The following FBXW7 variants were observed in gnomAD, a reference collection of about 807,000 sequenced individuals.
The protein encoded by FBXW7 is F-box and WD repeat domain containing 7.
A neutral mutation model predicts 86.3 loss-of-function variants in FBXW7; 11 were observed. The observed-to-expected ratio is 0.13, with a 90% CI of 0.08 to 0.21. FBXW7 has a LOEUF of 0.21. Ranked by LOEUF, FBXW7 falls within the 10% of genes least tolerant of loss-of-function variation. FBXW7 has a pLI of 1.00. For synonymous variants in FBXW7, 313 were observed against 297.9 expected, an observed-to-expected ratio of 1.05 and a Z score of -0.52; for missense variants, 488 against 847.4, an observed-to-expected ratio of 0.58 and a Z score of 5.27.
chr4:152,382,362 A>G, intron 4 of FBXW7: 1 of 1,544,952 alleles, frequency 6.5e-7, no homozygotes, highest in Non-Finnish European at 8.7e-7. Context: ...GTTGACGAAT[A>G]CTCTCTACAT....
chr4:152,372,974 T>C (rs976468904), intron 4 of FBXW7, among the ~76,000 whole-genome samples: 1 of 151,986 alleles, frequency 6.6e-6, no homozygotes, highest in African/African-American at 2.4e-5. Context: ...TATCAGTAAT[T>C]AGATATTGAG....
intron 7 of FBXW7, 118 bp downstream of exon 7, chr4:152,337,684 A>G: frequency 9.7e-7 from 1 of 1,028,692 alleles, no homozygotes; most frequent in Non-Finnish European, 1.4e-6. Flanking sequence ...CCACTAATTA[A>G]GAGTGTCAAA....
chr4:152,332,259 T>C (rs1170117645), intron 8 of FBXW7, among the ~76,000 whole-genome samples: 2 of 152,148 alleles, frequency 1.3e-5, no homozygotes, highest in Non-Finnish European at 2.9e-5. Flanking sequence ...ATAGGAGGTG[T>C]TCAATAAACA....
At chr4:152,456,705 C>A (rs184603931) in intron 2 of FBXW7, among the ~76,000 whole-genome samples, 17 of 152,256 alleles carry the variant, frequency 1.1e-4, no homozygotes, top group African/African-American at 3.8e-4. Context: ...TAAAACAAAT[C>A]AAATTAAAAT....
chr4:152,522,713 A>C (rs567887220), intron 2 of FBXW7, among the ~76,000 whole-genome samples: 3 of 152,300 alleles, frequency 2.0e-5, no homozygotes, highest in African/African-American at 4.8e-5. Context: ...CCTGTTATAG[A>C]TTGTTATATA....
chr4:152,404,122 G>T (rs535930342), intron 4 of FBXW7, among the ~76,000 whole-genome samples: 1 of 152,158 alleles, frequency 6.6e-6, no homozygotes, highest in African/African-American at 2.4e-5. Flanking sequence ...TATGAAATGG[G>T]GGGTTGGGAA....
chr4:152,527,906 A>G (rs189382628), intron 2 of FBXW7, among the ~76,000 whole-genome samples: 6 of 151,862 alleles, frequency 4.0e-5, no homozygotes, highest in South Asian at 4.2e-4. Flanking sequence ...ACACACATAT[A>G]TATACACACA....
intron 2 of FBXW7, among the ~76,000 whole-genome samples, chr4:152,466,217 G>A (rs149079931): frequency 3.4e-4 from 52 of 152,072 alleles, no homozygotes; most frequent in Admixed American, 3.3e-4. Context: ...ATCACATAAC[G>A]TCACATAACG....
chr4:152,509,418 G>T (rs72721632), intron 2 of FBXW7, among the ~76,000 whole-genome samples: 1 of 152,120 alleles, frequency 6.6e-6, no homozygotes, highest in Admixed American at 6.5e-5. Context: ...GGCAAGTCAG[G>T]ATACAGTCTC....
At chr4:152,332,054 T>C (rs1387561870) in intron 8 of FBXW7, among the ~76,000 whole-genome samples, 1 of 152,042 alleles carries the variant, frequency 6.6e-6, no homozygotes, top group Non-Finnish European at 1.5e-5. Context: ...ACATAGTATT[T>C]TTATATTTTT....
chr4:152,511,930 A>T (rs1748018129), intron 2 of FBXW7, among the ~76,000 whole-genome samples: 1 of 152,144 alleles, frequency 6.6e-6, no homozygotes, highest in Non-Finnish European at 1.5e-5. Flanking sequence ...GGAGAAAAAG[A>T]CTGACTATCT....
In FBXW7 at chr4:152,341,381, C is replaced by G. The variant is rs1224165329; in HGVS notation, c.727-3445G>C. On this transcript the variant is annotated intron_variant, in intron 6 of 13. Transcript: ENST00000281708. Reference sequence around the variant, plus strand: ...GGAATATTGTTTCCCTAGATACCCACATGCCTTGCTTCCTTACTTCCTTCC... The same window carrying G: ...GGAATATTGTTTCCCTAGATACCCAGATGCCTTGCTTCCTTACTTCCTTCC... Among the ~76,000 whole-genome samples the G allele has an allele frequency of 2.6e-5, 4 of 152,332 alleles. No homozygotes were observed. The East Asian group carries it at 7.7e-4, about 29-fold the overall frequency.
At chr4:152,375,364 T>C (rs567773998) in intron 4 of FBXW7, among the ~76,000 whole-genome samples, 2 of 152,210 alleles carry the variant, frequency 1.3e-5, no homozygotes, top group African/African-American at 4.8e-5. Flanking sequence ...ATATAAAAAA[T>C]ATGTTGAATC....
intron 7 of FBXW7, among the ~76,000 whole-genome samples, chr4:152,334,089 A>G (rs1729838336): frequency 6.6e-6 from 1 of 151,776 alleles, no homozygotes; most frequent in African/African-American, 2.4e-5. Flanking sequence ...ACAACTCATC[A>G]TTAATTACAT....
chr4:152,338,133 T>C (rs992871017), intron 6 of FBXW7, 197 bp from the exon 7 acceptor site: 1 of 389,176 alleles, frequency 2.6e-6, no homozygotes, highest in Non-Finnish European at 4.5e-6. Flanking sequence ...CAACTTTTAT[T>C]TCGTAAAAGG....
At chr4:152,387,950 C>T (rs368422614) in intron 4 of FBXW7, among the ~76,000 whole-genome samples, 3 of 151,864 alleles carry the variant, frequency 2.0e-5, no homozygotes, top group East Asian at 3.9e-4. Flanking sequence ...CCTTGTGATC[C>T]GCCCACCTCG....
chr4:152,329,526 GA>G, intron 10 of FBXW7, 145 bp downstream of exon 10: 1 of 434,620 alleles, frequency 2.3e-6, no homozygotes, highest in Non-Finnish European at 4.1e-6. Flanking sequence ...TAAATATGGG[GA>G]AAAAAGCTAA....
intron 2 of FBXW7, among the ~76,000 whole-genome samples, chr4:152,444,896 A>G (rs1282555014): frequency 6.6e-6 from 1 of 152,182 alleles, no homozygotes; most frequent in African/African-American, 2.4e-5. Flanking sequence ...CAGTGGCACA[A>G]TAATAGCTCA....
At position 152,382,317 on chromosome 4, in the gene FBXW7, G is replaced by A. The variant is rs758789223; in HGVS notation, c.501+28986C>T. 4 of 1,576,918 alleles carry A rather than the reference G, an allele frequency of 2.5e-6. No homozygotes were observed. The Admixed American group carries it at 7.1e-5, about 28-fold the overall frequency. On this transcript the variant is annotated intron_variant, in intron 4 of 13. Transcript: ENST00000281708. ...GGAACCAAGCCATGGTTTAGAGTAG[G>A]TTTTCCCGGTTTTGACATTTTAAAA...
Sources: allele counts gnomAD v4.1 joint callset (sites outside exome capture counted in the v4.1 genomes callset), GRCh38; gene constraint gnomAD v4.1.1; transcripts MANE v1.5; gene names NCBI Gene and HGNC (gene_info 2026-07-23, HGNC 2026-07-21).